The following GABRB1 variants were observed in gnomAD, a reference collection of about 807,000 sequenced individuals.
GABRB1 encodes gamma-aminobutyric acid receptor subunit beta-1.
GABRB1 carries 17 observed loss-of-function variants against 51.6 expected under a neutral mutation model. That is an observed-to-expected ratio of 0.33 (90% confidence interval 0.23 to 0.49). The LOEUF (loss-of-function observed/expected upper bound fraction) is 0.49. Ranked by LOEUF, GABRB1 falls within the 20% of genes least tolerant of loss-of-function variation. The pLI, the probability that GABRB1 is intolerant of heterozygous loss-of-function variation, is 0.99. For missense variants in GABRB1, 410 were observed against 600.6 expected (o/e 0.68, Z 3.32); for synonymous variants, 247 against 218.9 (o/e 1.13, Z -1.14).
chr4:47,166,915 G>C (rs1359715032), intron 4 of GABRB1, among the ~76,000 whole-genome samples: 1 of 151,966 alleles, frequency 6.6e-6, no homozygotes, highest in Non-Finnish European at 1.5e-5. Flanking sequence ...TTCCTAACCA[G>C]ATGAAAACTC....
At chr4:47,255,896 G>A (rs1722178849) in intron 4 of GABRB1, among the ~76,000 whole-genome samples, 1 of 152,208 alleles carries the variant, frequency 6.6e-6, no homozygotes, top group Non-Finnish European at 1.5e-5. Context: ...GATGAAGCAG[G>A]CAATAAGGAA....
At chr4:47,236,052 C>T (rs1329579368) in intron 4 of GABRB1, among the ~76,000 whole-genome samples, 1 of 151,734 alleles carries the variant, frequency 6.6e-6, no homozygotes, top group Non-Finnish European at 1.5e-5. Context: ...AAATATGGTG[C>T]CAGAAATTGG....
At chr4:47,411,104 C>T (rs7659411) in intron 8 of GABRB1, among the ~76,000 whole-genome samples, 68,521 of 151,982 alleles carry the variant, frequency 0.45, 18,178 homozygotes, top group African/African-American at 0.75. Flanking sequence ...GAAGATGTGA[C>T]CATCATCAAG....
chr4:47,337,997 G>A (rs1725762134), intron 5 of GABRB1, among the ~76,000 whole-genome samples: 1 of 152,038 alleles, frequency 6.6e-6, no homozygotes, highest in Non-Finnish European at 1.5e-5. Flanking sequence ...ACTTCTTTCT[G>A]TAACAGTTGT....
At chr4:47,313,975 A>T (rs764109151) in intron 4 of GABRB1, among the ~76,000 whole-genome samples, 24 of 152,072 alleles carry the variant, frequency 1.6e-4, no homozygotes, top group Non-Finnish European at 2.9e-4. Context: ...ATATATTCCA[A>T]GACGGAAGTT....
intron 4 of GABRB1, among the ~76,000 whole-genome samples, chr4:47,210,433 A>AT (rs1367071262): frequency 6.6e-6 from 1 of 152,012 alleles, no homozygotes; most frequent in Non-Finnish European, 1.5e-5. Flanking sequence ...GGATCTACAG[A>AT]TTTTCAATTT....
At chr4:47,078,822 T>C (rs545903875) in intron 3 of GABRB1, among the ~76,000 whole-genome samples, 1 of 152,318 alleles carries the variant, frequency 6.6e-6, no homozygotes, top group Non-Finnish European at 1.5e-5. Flanking sequence ...ATTTTTTTTA[T>C]CCTCCAATTC....
chr4:47,184,711 G>T lies in GABRB1; in HGVS notation c.461+23242G>T, dbSNP rs375134268. Among the ~76,000 whole-genome samples the T allele has an allele frequency of 7.9e-5, 12 of 152,010 alleles. No homozygotes were observed. The East Asian group carries it at 2.3e-3, about 29-fold the overall frequency. On this transcript the variant is annotated intron_variant, in intron 4 of 8. Transcript: ENST00000295454. ...ATTGAGCTGAGATTACATTACCTTA[G>T]CTTTGCTTCTCAACCTGAAAAACTT...
Position 47,065,997 on chromosome 4 carries a change from T to C in GABRB1, c.240+33513T>C, listed in dbSNP as rs75518655. ...CACTGAGACTTGTATCTCAGAAAAA[T>C]GTCCTTTCCTTTGAAAAAACCAACT... On this transcript the variant is annotated intron_variant, in intron 3 of 8. Transcript: ENST00000295454. 0.011 allele frequency among the ~76,000 whole-genome samples: 1,652 copies of C among 152,250 alleles called. 139 individuals are homozygous for C. In the East Asian group the frequency reaches 0.22, roughly 20 times the overall value.
intron 3 of GABRB1, among the ~76,000 whole-genome samples, chr4:47,138,099 A>G (rs1012365242): frequency 3.3e-5 from 5 of 152,032 alleles, no homozygotes; most frequent in Admixed American, 3.3e-4. Context: ...ACAAACCACC[A>G]CTGATTCTCC....
At chr4:47,082,074 G>A (rs1286910045) in intron 3 of GABRB1, among the ~76,000 whole-genome samples, 1 of 151,884 alleles carries the variant, frequency 6.6e-6, no homozygotes, top group African/African-American at 2.4e-5. Flanking sequence ...TAAACTGAAA[G>A]GTAGTGATAT....
intron 4 of GABRB1, among the ~76,000 whole-genome samples, chr4:47,286,108 C>A (rs1692619875): frequency 6.6e-6 from 1 of 152,164 alleles, no homozygotes; most frequent in African/African-American, 2.4e-5. Context: ...TAATCTTGTT[C>A]TTTGACTTAC....
chr4:47,044,114 G>GA (rs1464097382), intron 3 of GABRB1, among the ~76,000 whole-genome samples: 1 of 152,066 alleles, frequency 6.6e-6, no homozygotes, highest in Non-Finnish European at 1.5e-5. Context: ...TTCTGCATTT[G>GA]AAAAGCATTT....
chr4:47,425,632 G>A (rs1729255244), intron 8 of GABRB1, 42 bp from the exon 9 acceptor site: 7 of 1,464,454 alleles, frequency 4.8e-6, no homozygotes, highest in Non-Finnish European at 6.5e-6. Flanking sequence ...AACAGGCAAA[G>A]GTCCTGCAAC....
intron 5 of GABRB1, among the ~76,000 whole-genome samples, chr4:47,362,396 G>A (rs542895426): frequency 6.6e-6 from 1 of 152,054 alleles, no homozygotes; most frequent in African/African-American, 2.4e-5. Flanking sequence ...TGGGATAGGT[G>A]GAGTGACCTC....
At chr4:47,084,228 G>A (rs1727973029) in intron 3 of GABRB1, among the ~76,000 whole-genome samples, 1 of 152,124 alleles carries the variant, frequency 6.6e-6, no homozygotes. Context: ...TTCTATTTCA[G>A]CCTTCTGTGG....
At chr4:47,403,094 C>T (rs1470232737) in intron 5 of GABRB1, among the ~76,000 whole-genome samples, 2 of 152,172 alleles carry the variant, frequency 1.3e-5, no homozygotes, top group Admixed American at 1.3e-4. Flanking sequence ...TATCACTAAA[C>T]GATCCAGAGC....
At chr4:47,206,386 C>G (rs1422606407) in intron 4 of GABRB1, among the ~76,000 whole-genome samples, 1 of 152,002 alleles carries the variant, frequency 6.6e-6, no homozygotes, top group Non-Finnish European at 1.5e-5. Flanking sequence ...TTTAAATATA[C>G]AATGATCTCA....
intron 4 of GABRB1, among the ~76,000 whole-genome samples, chr4:47,167,520 A>G (rs1718239683): frequency 6.6e-6 from 1 of 152,096 alleles, no homozygotes; most frequent in South Asian, 2.1e-4. Context: ...ACGTGAGCCC[A>G]GGGCCAGGTG....
Sources: allele counts gnomAD v4.1 joint callset (sites outside exome capture counted in the v4.1 genomes callset), GRCh38; gene constraint gnomAD v4.1.1; transcripts MANE v1.5; gene names NCBI Gene and HGNC (gene_info 2026-07-23, HGNC 2026-07-21).